The following NEBL variants were observed in gnomAD, a reference collection of about 807,000 sequenced individuals.
NEBL encodes LIM and SH3 protein 2.
A neutral mutation model predicts 140.2 loss-of-function variants in NEBL; 122 were observed. The ratio of observed to expected loss-of-function variants is 0.87; its 90% CI spans 0.75 to 1.01. NEBL has a LOEUF of 1.01. NEBL is among the 50% of genes least tolerant of loss of function. NEBL has a pLI of 0.00. For synonymous variants in NEBL, 436 were observed against 398.9 expected, an observed-to-expected ratio of 1.09 and a Z score of -1.11; for missense variants, 1,365 against 1,231.3, an observed-to-expected ratio of 1.11 and a Z score of -1.62.
chr10:21,131,959 A>G (rs1839132541), intron 2 of NEBL, among the ~76,000 whole-genome samples: 1 of 152,146 alleles, frequency 6.6e-6, no homozygotes, highest in African/African-American at 2.4e-5. Flanking sequence ...TTATTTTTGT[A>G]TATGTATGCA....
At chr10:20,887,992 G>A (rs1331653707) in intron 4 of NEBL, 105 bp downstream of exon 4, 1 of 798,730 alleles carries the variant, frequency 1.3e-6, no homozygotes, top group South Asian at 1.5e-5. Context: ...CTTTCATTTG[G>A]TATTTAACAC....
chr10:20,998,851 A>T (rs1156380328), intron 3 of NEBL, among the ~76,000 whole-genome samples: 1 of 152,156 alleles, frequency 6.6e-6, no homozygotes, highest in African/African-American at 2.4e-5. Context: ...CTATGGACTA[A>T]CTTCTGTCAG....
At chr10:20,894,792 A>C (rs913846650) in intron 2 of NEBL, among the ~76,000 whole-genome samples, 2 of 150,184 alleles carry the variant, frequency 1.3e-5, no homozygotes, top group Non-Finnish European at 1.5e-5. Flanking sequence ...AGCCGGGCTT[A>C]GTGGCAGGCG....
intron 2 of NEBL, among the ~76,000 whole-genome samples, chr10:21,079,972 A>G (rs1484109085): frequency 6.6e-6 from 1 of 152,216 alleles, no homozygotes; most frequent in Admixed American, 6.5e-5. Flanking sequence ...TAGATACTGT[A>G]TATCAATAAG....
At chr10:21,148,916 G>T (rs1840025503) in intron 2 of NEBL, among the ~76,000 whole-genome samples, 2 of 152,042 alleles carry the variant, frequency 1.3e-5, no homozygotes, top group South Asian at 4.1e-4. Context: ...TTTCCATAAA[G>T]AAATTCTCTG....
chr10:20,985,518 G>T (rs1043924799), intron 3 of NEBL, among the ~76,000 whole-genome samples: 2 of 151,848 alleles, frequency 1.3e-5, no homozygotes, highest in African/African-American at 4.8e-5. Flanking sequence ...CCAGAACATG[G>T]ATCAAAAAAA....
chr10:21,169,627 G>C (rs964212181), intron 2 of NEBL, among the ~76,000 whole-genome samples: 1 of 152,108 alleles, frequency 6.6e-6, no homozygotes, highest in Admixed American at 6.5e-5. Context: ...ACTTTGCCAG[G>C]CTCCATTTTC....
At chr10:21,217,136 G>C (rs76607652) in intron 3 of NEBL, among the ~76,000 whole-genome samples, 1,876 of 152,298 alleles carry the variant, frequency 0.012, 34 homozygotes, top group African/African-American at 0.041. Context: ...CACAGTTGTT[G>C]GGGAAGACTT....
intron 1 of NEBL, among the ~76,000 whole-genome samples, chr10:21,288,656 G>A (rs1434908209): frequency 6.8e-5 from 10 of 147,256 alleles, no homozygotes; most frequent in Non-Finnish European, 1.2e-4. Flanking sequence ...AGCTACTTTC[G>A]AGGCTGAGGC....
At chr10:20,948,263 G>A (rs1385700507) in intron 4 of NEBL, among the ~76,000 whole-genome samples, 4 of 152,110 alleles carry the variant, frequency 2.6e-5, no homozygotes, top group Non-Finnish European at 5.9e-5. Flanking sequence ...CCATCTGTCC[G>A]GCCTCTTGCT....
intron 2 of NEBL, among the ~76,000 whole-genome samples, chr10:21,033,329 A>G (rs1447109769): frequency 6.6e-6 from 1 of 152,246 alleles, no homozygotes; most frequent in East Asian, 1.9e-4. Flanking sequence ...AAGATAATAA[A>G]TAAGTATCAT....
At chr10:21,162,856 T>G (rs1468368017) in intron 2 of NEBL, among the ~76,000 whole-genome samples, 3 of 152,228 alleles carry the variant, frequency 2.0e-5, no homozygotes, top group Non-Finnish European at 4.4e-5. Context: ...AGGATCAAAG[T>G]CACTCCAATG....
At chr10:20,850,947 G>A (rs565046149) in intron 10 of NEBL, among the ~76,000 whole-genome samples, 2 of 152,270 alleles carry the variant, frequency 1.3e-5, no homozygotes, top group South Asian at 4.1e-4. Flanking sequence ...CTGTCAAACG[G>A]AGGAGGATGT....
chr10:20,905,842 T>C (rs1006008700), intron 4 of NEBL, among the ~76,000 whole-genome samples: 9 of 152,140 alleles, frequency 5.9e-5, no homozygotes, highest in African/African-American at 2.2e-4. Context: ...GAGAGCTACA[T>C]GACGGAAATG....
At chr10:21,134,123 G>T (rs141617717) in intron 2 of NEBL, among the ~76,000 whole-genome samples, 1,540 of 152,142 alleles carry the variant, frequency 0.01, 26 homozygotes, top group African/African-American at 0.033. Context: ...CTACTCAGGA[G>T]GCTGAGGCAG....
chr10:21,290,721 C>G (rs1430931951), intron 1 of NEBL, among the ~76,000 whole-genome samples: 1 of 152,172 alleles, frequency 6.6e-6, no homozygotes, highest in African/African-American at 2.4e-5. Flanking sequence ...GAGCTCAGAA[C>G]TTTGTCCCAG....
chr10:21,149,050 G>T (rs987810920), intron 2 of NEBL, among the ~76,000 whole-genome samples: 1 of 152,166 alleles, frequency 6.6e-6, no homozygotes, highest in Non-Finnish European at 1.5e-5. Flanking sequence ...GACTGGCTGG[G>T]TTTCCCCACT....
intron 2 of NEBL, among the ~76,000 whole-genome samples, chr10:21,065,369 A>C (rs1179067658): frequency 6.6e-6 from 1 of 152,208 alleles, no homozygotes; most frequent in Non-Finnish European, 1.5e-5. Flanking sequence ...ATTTGAGATG[A>C]TAAAAAGGAA....
chr10:20,920,274 A>T (rs1348630479), intron 4 of NEBL, among the ~76,000 whole-genome samples: 1 of 152,208 alleles, frequency 6.6e-6, no homozygotes, highest in Non-Finnish European at 1.5e-5. Context: ...TCACTTTTTA[A>T]CCCATCAGTC....
Sources: allele counts gnomAD v4.1 joint callset (sites outside exome capture counted in the v4.1 genomes callset), GRCh38; gene constraint gnomAD v4.1.1; transcripts MANE v1.5; gene names NCBI Gene and HGNC (gene_info 2026-07-23, HGNC 2026-07-21).